Variants in CIMIP5 observed in about 807,000 individuals in gnomAD.
CIMIP5 encodes the protein ciliary microtubule inner protein 5.
the CIMIP5 span, among the ~76,000 whole-genome samples, chr2:11,148,883 G>A: frequency 1.5e-3 from 231 of 151,838 alleles, 1 homozygote; most frequent in African/African-American, 5.3e-3. Context: ...ACAGGCACCC[G>A]CCACCATGCC....
the CIMIP5 span, among the ~76,000 whole-genome samples, chr2:11,134,476 A>G: frequency 6.6e-6 from 1 of 152,124 alleles, no homozygotes; most frequent in African/African-American, 2.4e-5. Flanking sequence ...TTGATTAGCA[A>G]CGCCCCATTC....
At chr2:11,146,583 G>A in the CIMIP5 span, 8 of 152,364 alleles carry the variant, frequency 5.3e-5, no homozygotes, top group Middle Eastern at 3.4e-3. Flanking sequence ...CAGCCCCTGT[G>A]TTTCATGCCA....
the CIMIP5 span, chr2:11,144,202 A>C: frequency 8.5e-7 from 1 of 1,182,004 alleles, no homozygotes; most frequent in Non-Finnish European, 1.2e-6. Context: ...CTCCCCACAC[A>C]AGGCAGCTTG....
At chr2:11,144,221 C>A in the CIMIP5 span, 3 of 907,494 alleles carry the variant, frequency 3.3e-6, no homozygotes, top group East Asian at 2.9e-5. Context: ...TGGGTCTGCA[C>A]TGTCTGTAAG....
chr2:11,144,294 T>A, the CIMIP5 span: 1 of 436,238 alleles, frequency 2.3e-6, no homozygotes, highest in Non-Finnish European at 4.0e-6. Flanking sequence ...CACGTAAGAT[T>A]CAGAGGAGTC....
chr2:11,152,159 T>C, the CIMIP5 span, among the ~76,000 whole-genome samples: 234 of 152,338 alleles, frequency 1.5e-3, no homozygotes, highest in African/African-American at 5.4e-3. Context: ...CAAGCACTGA[T>C]CTTAGGTTTT....
At chr2:11,144,206 C>A in the CIMIP5 span, 2 of 1,105,486 alleles carry the variant, frequency 1.8e-6, no homozygotes, top group Middle Eastern at 3.0e-4. Context: ...CCACACAAGG[C>A]AGCTTGGGTC....
At chr2:11,133,290 TC>T in the CIMIP5 span, 1 of 1,533,710 alleles carries the variant, frequency 6.5e-7, no homozygotes. Flanking sequence ...GGTCTCTCTC[TC>T]TCTCTCTCTG....
the CIMIP5 span, among the ~76,000 whole-genome samples, chr2:11,151,223 G>T: frequency 6.6e-6 from 1 of 152,208 alleles, no homozygotes; most frequent in Non-Finnish European, 1.5e-5. Flanking sequence ...GATGTCTCAG[G>T]TCTCCCTAAA....
chr2:11,140,915 C>G, the CIMIP5 span, among the ~76,000 whole-genome samples: 1 of 152,036 alleles, frequency 6.6e-6, no homozygotes, highest in South Asian at 2.1e-4. Flanking sequence ...TAAACAAATT[C>G]CCTGACTCTG....
At chr2:11,154,166 G>A in the CIMIP5 span, among the ~76,000 whole-genome samples, 7 of 151,974 alleles carry the variant, frequency 4.6e-5, no homozygotes, top group Admixed American at 2.0e-4. Context: ...TAGTAGAGGC[G>A]GGGGTTTCCC....
At chr2:11,153,825 G>A in the CIMIP5 span, among the ~76,000 whole-genome samples, 2 of 151,422 alleles carry the variant, frequency 1.3e-5, no homozygotes. Context: ...TTGGGAGGCA[G>A]AGGCAGGAGA....
the CIMIP5 span, chr2:11,144,074 GGAA>G: frequency 7.5e-6 from 12 of 1,599,030 alleles, no homozygotes; most frequent in Admixed American, 1.7e-5. Flanking sequence ...GAAGGGGCCC[GGAA>G]GAAGAAGCTG....
At chr2:11,148,101 A>G in the CIMIP5 span, among the ~76,000 whole-genome samples, 3 of 150,582 alleles carry the variant, frequency 2.0e-5, no homozygotes, top group Non-Finnish European at 4.4e-5. Context: ...GCAAGCCTGG[A>G]GGGATGCTTG....
chr2:11,143,409 G>A, the CIMIP5 span, among the ~76,000 whole-genome samples: 1 of 151,690 alleles, frequency 6.6e-6, no homozygotes, highest in African/African-American at 2.4e-5. Flanking sequence ...TGGGAGCAGA[G>A]ACAGGGGCTG....
At chr2:11,137,296 C>T in the CIMIP5 span, among the ~76,000 whole-genome samples, 1 of 152,128 alleles carries the variant, frequency 6.6e-6, no homozygotes, top group Non-Finnish European at 1.5e-5. Context: ...ATTGCTTGAA[C>T]CCGGCAGGCA....
chr2:11,140,490 A>G, the CIMIP5 span: 2 of 1,540,098 alleles, frequency 1.3e-6, no homozygotes, highest in Non-Finnish European at 1.8e-6. Flanking sequence ...TCACACAGCC[A>G]ACATGTTTTT....
chr2:11,149,414 T>C, the CIMIP5 span, among the ~76,000 whole-genome samples: 1 of 152,120 alleles, frequency 6.6e-6, no homozygotes, highest in East Asian at 1.9e-4. Flanking sequence ...TCTTCAAAAA[T>C]GTCAATGTCT....
the CIMIP5 span, among the ~76,000 whole-genome samples, chr2:11,153,981 ATTT>A: frequency 6.6e-6 from 1 of 151,182 alleles, no homozygotes; most frequent in Admixed American, 6.6e-5. Flanking sequence ...TATACATATT[ATTT>A]ATTTATTTTT....
Sources: allele counts gnomAD v4.1 joint callset (sites outside exome capture counted in the v4.1 genomes callset), GRCh38; gene constraint gnomAD v4.1.1; transcripts MANE v1.5; gene names NCBI Gene and HGNC (gene_info 2026-07-23, HGNC 2026-07-21).